CNTNAP2: variants seen among roughly 807,000 people sequenced by gnomAD.
CNTNAP2 encodes contactin associated protein 2.
A neutral mutation model predicts 155.2 loss-of-function variants in CNTNAP2; 98 were observed. The ratio of observed to expected loss-of-function variants is 0.63; its 90% confidence interval spans 0.54 to 0.75. The LOEUF (loss-of-function observed/expected upper bound fraction) is 0.75. CNTNAP2 is among the 30% of genes least tolerant of loss of function. CNTNAP2 has a pLI of 0.00. For missense variants in CNTNAP2, 1,727 were observed against 1,688.1 expected (o/e 1.02, Z -0.40); for synonymous variants, 651 against 631.2 (o/e 1.03, Z -0.47).
intron 8 of CNTNAP2, among the ~76,000 whole-genome samples, chr7:147,194,569 C>A (rs1802745623): frequency 6.6e-6 from 1 of 152,142 alleles, no homozygotes; most frequent in South Asian, 2.1e-4. Flanking sequence ...TATTTCTCCA[C>A]ATCCTCTCCA....
intron 13 of CNTNAP2, among the ~76,000 whole-genome samples, chr7:147,816,342 AAGGTAGCAAAGACG>A (rs1286807116): frequency 1.3e-5 from 2 of 152,108 alleles, no homozygotes; most frequent in Non-Finnish European, 2.9e-5. Context: ...GGTGAACGGA[AAGGTAGCAAAGACG>A]GGTATGTACG....
intron 13 of CNTNAP2, among the ~76,000 whole-genome samples, chr7:147,788,759 T>C (rs1797773762): frequency 6.6e-6 from 1 of 151,940 alleles, no homozygotes; most frequent in Non-Finnish European, 1.5e-5. Context: ...CTCATCATCT[T>C]GGTGGATGCA....
intron 8 of CNTNAP2, among the ~76,000 whole-genome samples, chr7:147,174,232 C>A (rs1407185294): frequency 1.3e-5 from 2 of 152,140 alleles, no homozygotes; most frequent in South Asian, 2.1e-4. Context: ...ACCTCCCTCC[C>A]AAACTCCCTT....
At chr7:148,245,234 G>A (rs1210445073) in intron 20 of CNTNAP2, among the ~76,000 whole-genome samples, 2 of 152,094 alleles carry the variant, frequency 1.3e-5, no homozygotes, top group East Asian at 3.9e-4. Flanking sequence ...CAGACCTCTG[G>A]GCTAGCTACT....
chr7:148,245,425 T>C (rs1210411689), intron 20 of CNTNAP2, among the ~76,000 whole-genome samples: 1 of 152,186 alleles, frequency 6.6e-6, no homozygotes, highest in Non-Finnish European at 1.5e-5. Flanking sequence ...TGTTAGATGC[T>C]GATGTGGAGG....
At chr7:147,886,330 C>G (rs2116723785) in intron 13 of CNTNAP2, among the ~76,000 whole-genome samples, 1 of 151,922 alleles carries the variant, frequency 6.6e-6, no homozygotes, top group South Asian at 2.1e-4. Context: ...AAAAAATTAT[C>G]CAGGTGTGGT....
intron 1 of CNTNAP2, among the ~76,000 whole-genome samples, chr7:146,598,246 C>A (rs973535666): frequency 6.6e-6 from 1 of 152,100 alleles, no homozygotes; most frequent in Admixed American, 6.6e-5. Flanking sequence ...CTTCTTTTTT[C>A]TGTTTCTCGA....
intron 1 of CNTNAP2, among the ~76,000 whole-genome samples, chr7:146,432,797 C>G (rs528394808): frequency 6.6e-6 from 1 of 152,240 alleles, no homozygotes; most frequent in African/African-American, 2.4e-5. Flanking sequence ...GCTGTACTCT[C>G]TTTAATATAG....
At chr7:147,632,524 C>T (rs1795104671) in intron 12 of CNTNAP2, among the ~76,000 whole-genome samples, 1 of 152,176 alleles carries the variant, frequency 6.6e-6, no homozygotes, top group African/African-American at 2.4e-5. Flanking sequence ...TGCCTTCCAC[C>T]ATGGCTGTTA....
chr7:146,187,604 C>T (rs1251804249), intron 1 of CNTNAP2, among the ~76,000 whole-genome samples: 5 of 152,014 alleles, frequency 3.3e-5, no homozygotes. Context: ...ATATTGTTTT[C>T]TTTTTACCCT....
intron 13 of CNTNAP2, among the ~76,000 whole-genome samples, chr7:147,862,277 A>G (rs1274309255): frequency 6.6e-6 from 1 of 152,168 alleles, no homozygotes; most frequent in East Asian, 1.9e-4. Flanking sequence ...TTGAAAATAT[A>G]AGCACCAATT....
chr7:147,784,416 T>C (rs1584953404), intron 13 of CNTNAP2, among the ~76,000 whole-genome samples: 1 of 106,052 alleles, frequency 9.4e-6, no homozygotes, highest in Admixed American at 9.1e-5. Context: ...ATGTAACATA[T>C]AATAACATAT....
chr7:146,215,755 A>G (rs1037242265), intron 1 of CNTNAP2, among the ~76,000 whole-genome samples: 1 of 152,144 alleles, frequency 6.6e-6, no homozygotes, highest in African/African-American at 2.4e-5. Flanking sequence ...TCTAGGCCTC[A>G]CTTTATAAAT....
At chr7:146,517,672 C>T (rs886754456) in intron 1 of CNTNAP2, among the ~76,000 whole-genome samples, 1 of 151,834 alleles carries the variant, frequency 6.6e-6, no homozygotes, top group African/African-American at 2.4e-5. Context: ...TAAAAGATCA[C>T]TTTGGCAGGT....
chr7:147,631,401 CA>C (rs1795082396), intron 12 of CNTNAP2, among the ~76,000 whole-genome samples: 1 of 152,054 alleles, frequency 6.6e-6, no homozygotes, highest in African/African-American at 2.4e-5. Context: ...TGAAAATGAC[CA>C]TACTGCCAAA....
chr7:146,136,504 A>C (rs1254388189), intron 1 of CNTNAP2, among the ~76,000 whole-genome samples: 1 of 152,148 alleles, frequency 6.6e-6, no homozygotes, highest in Non-Finnish European at 1.5e-5. Flanking sequence ...AGTAGAGCAC[A>C]CCTGCTCTAA....
At chr7:147,675,291 T>C (rs1795850969) in intron 13 of CNTNAP2, among the ~76,000 whole-genome samples, 1 of 152,128 alleles carries the variant, frequency 6.6e-6, no homozygotes, top group South Asian at 2.1e-4. Flanking sequence ...AAATCCAGGA[T>C]GATTAATTTT....
At chr7:146,988,565 G>T (rs969728408) in intron 3 of CNTNAP2, among the ~76,000 whole-genome samples, 30 of 152,046 alleles carry the variant, frequency 2.0e-4, no homozygotes, top group Admixed American at 2.0e-3. Flanking sequence ...TGACTTATTT[G>T]GGTAGGGGGT....
At chr7:147,023,807 G>A (rs1798855561) in intron 3 of CNTNAP2, among the ~76,000 whole-genome samples, 1 of 152,176 alleles carries the variant, frequency 6.6e-6, no homozygotes, top group African/African-American at 2.4e-5. Context: ...GAGTCCTCAT[G>A]TGCCAAACTT....
Sources: gnomAD v4.1 joint callset for allele counts (sites outside exome capture counted in the v4.1 genomes callset) on GRCh38, gnomAD v4.1.1 for gene constraint, MANE v1.5 for transcripts, NCBI Gene and HGNC (gene_info 2026-07-23, HGNC 2026-07-21) for gene names.